NEIL1: variants seen among roughly 807,000 people sequenced by gnomAD.
The protein encoded by NEIL1 is endonuclease 8-like 1.
In NEIL1, 31 loss-of-function variants were observed where a neutral mutation model predicts 44.2. That is an observed-to-expected ratio of 0.70 (90% CI 0.53 to 0.95). The LOEUF (loss-of-function observed/expected upper bound fraction) is 0.95, where lower values mean the gene tolerates loss of function less well. NEIL1 is among the 40% of genes least tolerant of loss of function. The pLI is 0.00. For missense variants in NEIL1, 549 were observed against 515.5 expected, an observed-to-expected ratio of 1.07 and a Z score of -0.63; for synonymous variants, 254 against 209.7, an observed-to-expected ratio of 1.21 and a Z score of -1.83.
Position 75,356,315 on chromosome 15 carries a change from C to T in NEIL1, c.*1281C>T, listed in dbSNP as rs766923552. ...CCACCCCTTGCCTGCTTGACGGTCT[C>T]CAATACGACCGCGGGTGAAGACACG... On this transcript the variant is annotated 3_prime_UTR_variant, in exon 10 of 10. Coordinates refer to ENST00000355059, the MANE Select transcript of NEIL1 (RefSeq NM_024608.4). This position sits in a 1 kb window ranked among gnomAD's most constrained non-coding sequence, Gnocchi z 5.8. 5.6e-6 allele frequency: 9 copies of T among 1,611,732 alleles called. No individual in the cohort carries two copies. The African/African-American group carries it at 9.4e-5, about 17-fold the overall frequency.
intron 1 of NEIL1, chr15:75,348,615 C>T (rs1337694958): frequency 1.1e-5 from 15 of 1,338,008 alleles, no homozygotes; most frequent in Non-Finnish European, 1.3e-5. Flanking sequence ...GGACTTTCGT[C>T]TAAACGCGGT....
chr15:75,356,620 A>G lies in NEIL1; in HGVS notation c.*1586A>G. 6.4e-7 allele frequency: 1 copy of G among 1,563,574 alleles called. No individual in the cohort carries two copies. The highest frequency in any genetic ancestry group is 1.2e-5 in the South Asian group (1 of 85,704). On this transcript the variant is annotated 3_prime_UTR_variant, in exon 10 of 10. Transcript: ENST00000355059. The surrounding 1 kb of genome is among the most constrained non-coding windows in gnomAD (Gnocchi z 5.8). ...CCAGCACTCACCCTTGTGCGGCATC[A>G]GTGCATAGGTGAACTCGTGGCGCCC... is the stretch of plus-strand genomic sequence containing the variant.
At chr15:75,350,664 C>G (rs536410068) in intron 2 of NEIL1, among the ~76,000 whole-genome samples, 4 of 152,262 alleles carry the variant, frequency 2.6e-5, no homozygotes, top group Admixed American at 2.6e-4. Context: ...TCCTGGCCTT[C>G]CCCTGTGTGA....
chr15:75,351,646 G>T (rs576843463), intron 2 of NEIL1, among the ~76,000 whole-genome samples: 1 of 152,134 alleles, frequency 6.6e-6, no homozygotes, highest in East Asian at 1.9e-4. Context: ...TTTTGAGATG[G>T]AGTCTCGCTC....
rs779985431 is a variant in NEIL1, at chr15:75,353,577, G to T, written c.719-162G>T. 6.1e-6 allele frequency: 5 copies of T among 824,088 alleles called. No individual in the cohort carries two copies. The South Asian group carries it at 6.7e-5, about 11-fold the overall frequency. 51.0% of individuals were successfully genotyped at this position (824,088 alleles called of 1,614,324 possible). A position where few individuals can be genotyped will look rare whatever the true frequency, so the allele number is the denominator to read the frequency against. ...GGATGGGAAACCCATGGCCGAGTGG[G>T]AAGAAACCAGCTGAGGTCACATCAC... On this transcript the variant is annotated intron_variant, in intron 5 of 9. Coordinates refer to ENST00000355059, the MANE Select transcript of NEIL1 (RefSeq NM_024608.4).
chr15:75,351,656 C>G (rs1357607236), intron 2 of NEIL1, among the ~76,000 whole-genome samples: 2 of 152,128 alleles, frequency 1.3e-5, no homozygotes, highest in Non-Finnish European at 2.9e-5. Flanking sequence ...GAGTCTCGCT[C>G]TGTGGCCCAG....
chr15:75,348,062 C>A (rs2071579731), intron 1 of NEIL1: 4 of 1,071,206 alleles, frequency 3.7e-6, no homozygotes, highest in Non-Finnish European at 4.6e-6. Flanking sequence ...AGGGACCAGG[C>A]GCTGCCGCGG....
In NEIL1 at chr15:75,348,941, G is replaced by A. The variant is rs758835439; in HGVS notation, c.36G>A (p.Gln12=). The A allele has an allele frequency of 1.9e-6, 3 of 1,613,194 alleles. No individual in the cohort carries two copies. The highest frequency in any genetic ancestry group is 2.2e-5 in the South Asian group (2 of 91,082). Reference sequence around the variant, plus strand: ...GCCCCGAGCTGCACCTGGCCAGCCAGTTTGTGAATGAGGCCTGCAGGGCGC... The same window carrying A: ...GCCCCGAGCTGCACCTGGCCAGCCAATTTGTGAATGAGGCCTGCAGGGCGC... ...PEGPELHLAS[Q]FVNEACRALV... is the part of the protein sequence containing the mutation. Residue 12 remains glutamine, a synonymous_variant, in exon 2 of 10, where the codon CAG becomes CAA. Transcript: ENST00000355059.
intron 2 of NEIL1, 54 bp from the exon 3 acceptor site, chr15:75,352,057 C>G (rs112126969): frequency 1.3e-6 from 2 of 1,595,214 alleles, no homozygotes; most frequent in Non-Finnish European, 1.7e-6. Context: ...GCCCCTCTCC[C>G]CATCCCATGG....
At chr15:75,348,726 A>G (rs2071635338) in intron 1 of NEIL1, 158 bp from the exon 2 acceptor site, 2 of 1,433,782 alleles carry the variant, frequency 1.4e-6, no homozygotes, top group Non-Finnish European at 1.8e-6. Context: ...CTGTCCGGGT[A>G]GGGGATTGAG....
chr15:75,349,470 C>G, intron 2 of NEIL1, 131 bp downstream of exon 2: 1 of 878,620 alleles, frequency 1.1e-6, no homozygotes, highest in Non-Finnish European at 1.7e-6. Flanking sequence ...CAGATCAAGA[C>G]AGTATACCTG....
In NEIL1 at chr15:75,356,898, C is replaced by T; in HGVS notation, c.*1864C>T. 2 of 1,613,870 alleles carry T rather than the reference C, an allele frequency of 1.2e-6. No individual in the cohort carries two copies. Among genetic ancestry groups the T allele is most frequent in the Non-Finnish European group, 1.7e-6 (2 of 1,179,850 alleles). On this transcript the variant is annotated 3_prime_UTR_variant, in exon 10 of 10. Transcript: ENST00000355059. This position sits in a 1 kb window ranked among gnomAD's most constrained non-coding sequence, Gnocchi z 5.8. ...TGACAGATCCATCCAGCGATGGGCC[C>T]ACACCTGGAGGGCAGATCCAAGACC...
Position 75,352,585 on chromosome 15 carries a change from C to T in NEIL1, c.619-17C>T, listed in dbSNP as rs778858100. 6.2e-7 allele frequency: 1 copy of T among 1,608,334 alleles called. No homozygotes were observed. Among genetic ancestry groups the T allele is most frequent in the Non-Finnish European group, 8.5e-7 (1 of 1,176,372 alleles). On this transcript the variant is annotated splice_polypyrimidine_tract_variant and intron_variant, in intron 4 of 9. Coordinates refer to ENST00000355059, the MANE Select transcript of NEIL1 (RefSeq NM_024608.4). ...GGCCCTGCTGACAGACAGGTCCTGC[C>T]CCTGCCCCTTCCTCAGAGCCCGGAG...
rs1249873828 is a variant in NEIL1 at position 75,348,034 on chromosome 15, G to A, written c.-23+561G>A. On this transcript the variant is annotated intron_variant, in intron 1 of 9. Coordinates refer to ENST00000355059, the MANE Select transcript of NEIL1 (RefSeq NM_024608.4). ...AAAGCAGGGAGGGCGGAGGTGAGGA[G>A]TCGATACCCCCCACCCCAGGGACCA... 3.5e-6 allele frequency: 4 copies of A among 1,143,798 alleles called. No individual in the cohort carries two copies. The African/African-American group carries it at 4.9e-5, about 14-fold the overall frequency. The allele number at this position is 1,143,798 out of a possible 1,614,324, so 70.9% of individuals were successfully genotyped here. A position where few individuals can be genotyped will look rare whatever the true frequency, so the allele number is the denominator to read the frequency against.
In NEIL1 at chr15:75,355,930, G is replaced by C. The variant is rs756309307; in HGVS notation, c.*896G>C. ...CTCAGTGTGGCGGAGGCTGAAGCACGAGCAACAGGGACAGCACTTGGAAGG... is the reference window on the plus strand; with the variant it reads ...CTCAGTGTGGCGGAGGCTGAAGCACCAGCAACAGGGACAGCACTTGGAAGG... On this transcript the variant is annotated 3_prime_UTR_variant, in exon 10 of 10. Transcript: ENST00000355059. The C allele has an allele frequency of 9.7e-5, 156 of 1,614,022 alleles. 1 individual carries two copies. The Admixed American group carries it at 1.6e-3, about 17-fold the overall frequency.
intron 8 of NEIL1, 46 bp from the exon 9 acceptor site, chr15:75,354,607 G>C: frequency 5.6e-6 from 9 of 1,613,766 alleles, no homozygotes; most frequent in Non-Finnish European, 7.6e-6. Context: ...ACCAACCTCT[G>C]AACTGCTTTC....
Position 75,352,187 on chromosome 15 carries a change from T to C in NEIL1, c.511T>C (p.Phe171Leu). 1 of 1,614,250 alleles carries C rather than the reference T, an allele frequency of 6.2e-7. No homozygotes were observed. Among genetic ancestry groups the C allele is most frequent in the East Asian group, 2.2e-5 (1 of 44,890 alleles). ...CGAGGCCCTCCTGGACCAGAGGTTC[T>C]TCAATGGCATTGGCAACTATCTGCG... ...ICEALLDQRFFNGIGNYLRAE... is the reference protein window; with the variant it reads ...ICEALLDQRFLNGIGNYLRAE... The change falls in exon 3 of 10, where the codon TTC becomes CTC. Residue 171 changes from phenylalanine to leucine, a missense_variant. Transcript: ENST00000355059.
chr15:75,357,020 G>C lies in NEIL1; in HGVS notation c.*1986G>C, dbSNP rs2072335596. 1.3e-6 allele frequency: 1 copy of C among 793,264 alleles called. No individual in the cohort carries two copies. The highest frequency in any genetic ancestry group is 1.7e-5 in the African/African-American group (1 of 58,648). 49.1% of individuals were successfully genotyped at this position (793,264 alleles called of 1,614,324 possible). A position where few individuals can be genotyped will look rare whatever the true frequency, so the allele number is the denominator to read the frequency against. ...TCTAGAACCACACAACTGAACTCCA[G>C]CTCCCACTGTACGGGGCCCTGGGCA... On this transcript the variant is annotated 3_prime_UTR_variant, in exon 10 of 10. Transcript: ENST00000355059.
At chr15:75,353,998 C>A in intron 6 of NEIL1, 132 bp downstream of exon 6, 1 of 1,269,210 alleles carries the variant, frequency 7.9e-7, no homozygotes, top group Non-Finnish European at 1.1e-6. Flanking sequence ...TCCTGAGGGT[C>A]ACACCCCTCC....
Sources: gnomAD v4.1 joint callset for allele counts (sites outside exome capture counted in the v4.1 genomes callset) on GRCh38, gnomAD v4.1.1 for gene constraint, Gnocchi (gnomAD v3.1) non-coding constraint, MANE v1.5 for transcripts, NCBI Gene and HGNC (gene_info 2026-07-23, HGNC 2026-07-21) for gene names.